SLC49A4: variants seen among roughly 807,000 people sequenced by gnomAD.
SLC49A4 encodes the protein solute carrier family 49 member 4.
Under a neutral mutation model 50.6 loss-of-function variants are expected in SLC49A4, and 36 were observed. That is an observed-to-expected ratio of 0.71 (90% CI 0.55 to 0.94). The LOEUF (loss-of-function observed/expected upper bound fraction) is 0.94, where lower values mean the gene tolerates loss of function less well. Ranked by LOEUF, SLC49A4 falls within the 40% of genes least tolerant of loss-of-function variation. The pLI is 0.00. For missense variants in SLC49A4, 503 were observed against 605.7 expected, an observed-to-expected ratio of 0.83 and a Z score of 1.78; for synonymous variants, 248 against 241.2, an observed-to-expected ratio of 1.03 and a Z score of -0.26.
chr3:122,856,062 A>G (rs1178139659), intron 5 of SLC49A4, among the ~76,000 whole-genome samples: 1 of 152,196 alleles, frequency 6.6e-6, no homozygotes, highest in Non-Finnish European at 1.5e-5. Context: ...TCCTAGTCCA[A>G]TATTAGGCAT....
At chr3:122,857,747 A>G (rs1023761556) in intron 6 of SLC49A4, among the ~76,000 whole-genome samples, 1 of 152,148 alleles carries the variant, frequency 6.6e-6, no homozygotes, top group African/African-American at 2.4e-5. Context: ...CAAGAATCAT[A>G]CCTCATTTTT....
intron 8 of SLC49A4, 50 bp from the exon 9 acceptor site, chr3:122,879,213 C>A: frequency 7.5e-7 from 1 of 1,326,126 alleles, no homozygotes; most frequent in South Asian, 1.2e-5. Context: ...AGGTGGTGGT[C>A]TGCTGGTGAT....
intron 2 of SLC49A4, among the ~76,000 whole-genome samples, chr3:122,820,548 C>T (rs751791969): frequency 6.6e-6 from 1 of 152,180 alleles, no homozygotes; most frequent in Non-Finnish European, 1.5e-5. Context: ...ATATTAAATG[C>T]AAGCTAAAAT....
chr3:122,828,172 T>C (rs1238136660), intron 3 of SLC49A4, among the ~76,000 whole-genome samples: 1 of 152,240 alleles, frequency 6.6e-6, no homozygotes, highest in East Asian at 1.9e-4. Flanking sequence ...CGCCTATGTA[T>C]CTGTCACTAT....
Position 122,796,741 on chromosome 3 carries a change from G to A in SLC49A4, c.343+1206G>A, listed in dbSNP as rs557596434. Among the ~76,000 whole-genome samples, 6 of 152,252 alleles carry A rather than the reference G, an allele frequency of 3.9e-5. No individual in the cohort carries two copies. In the South Asian group the frequency reaches 1.0e-3, roughly 26 times the overall value. Reference sequence around the variant, plus strand: ...TAAGATTTCAAAATGTGAATTTGAGGCCTGGCGCAGTGGCTCAAGTAATCC... The same window carrying A: ...TAAGATTTCAAAATGTGAATTTGAGACCTGGCGCAGTGGCTCAAGTAATCC... On this transcript the variant is annotated intron_variant, in intron 1 of 8. Transcript: ENST00000261038.
intron 2 of SLC49A4, among the ~76,000 whole-genome samples, chr3:122,811,314 G>C (rs1416119263): frequency 1.3e-5 from 2 of 152,262 alleles, no homozygotes; most frequent in Admixed American, 1.3e-4. Flanking sequence ...ATTCTTTCTT[G>C]AGAACTCGAG....
At chr3:122,845,616 T>TG (rs1422910221) in intron 4 of SLC49A4, 147 bp from the exon 5 acceptor site, 3 of 388,162 alleles carry the variant, frequency 7.7e-6, no homozygotes, top group Non-Finnish European at 8.9e-6. Context: ...CGTTTTTTTT[T>TG]TTTTTTTTTT....
chr3:122,875,532 T>G (rs1937255539), intron 8 of SLC49A4, among the ~76,000 whole-genome samples: 1 of 152,036 alleles, frequency 6.6e-6, no homozygotes, highest in South Asian at 2.1e-4. Flanking sequence ...TTGTATTTTT[T>G]GTAGAGATGG....
chr3:122,860,806 T>C (rs1056845054), intron 7 of SLC49A4, among the ~76,000 whole-genome samples: 10 of 152,234 alleles, frequency 6.6e-5, no homozygotes, highest in African/African-American at 2.2e-4. Flanking sequence ...TATGCAAATT[T>C]AGCAACTTAA....
intron 2 of SLC49A4, among the ~76,000 whole-genome samples, chr3:122,822,691 T>C (rs1046916781): frequency 4.6e-5 from 7 of 152,240 alleles, no homozygotes; most frequent in Non-Finnish European, 8.8e-5. Context: ...TTTCCTCTTT[T>C]GCTTTTTTTC....
At chr3:122,855,620 A>T (rs761375231) in intron 5 of SLC49A4, among the ~76,000 whole-genome samples, 3 of 152,200 alleles carry the variant, frequency 2.0e-5, no homozygotes, top group Non-Finnish European at 4.4e-5. Flanking sequence ...ATGTGGCCAC[A>T]CAAGCAGGAA....
chr3:122,803,748 T>C (rs371603551), intron 1 of SLC49A4, among the ~76,000 whole-genome samples: 4 of 152,208 alleles, frequency 2.6e-5, no homozygotes, highest in East Asian at 1.9e-4. Context: ...CTCTGCAGCC[T>C]GATTCTTTAG....
chr3:122,873,242 C>T (rs1372936378), intron 8 of SLC49A4, among the ~76,000 whole-genome samples: 2 of 151,788 alleles, frequency 1.3e-5, no homozygotes, highest in Non-Finnish European at 2.9e-5. Context: ...TGCAGTGGCA[C>T]GATCTCAACT....
chr3:122,833,269 A>C (rs1467318609), intron 3 of SLC49A4, 48 bp from the exon 4 acceptor site: 3 of 1,582,354 alleles, frequency 1.9e-6, no homozygotes, highest in Non-Finnish European at 2.6e-6. Flanking sequence ...TGAAGTCTTC[A>C]ACTTTTTGTG....
intron 4 of SLC49A4, among the ~76,000 whole-genome samples, chr3:122,836,492 G>C (rs1428794525): frequency 6.6e-6 from 1 of 152,114 alleles, no homozygotes; most frequent in Non-Finnish European, 1.5e-5. Flanking sequence ...TTTGGTATCA[G>C]GATGATGCTG....
At chr3:122,805,833 C>T (rs111648329) in intron 1 of SLC49A4, among the ~76,000 whole-genome samples, 3 of 152,286 alleles carry the variant, frequency 2.0e-5, no homozygotes, top group South Asian at 2.1e-4. Flanking sequence ...ACCACTGACA[C>T]ACATTTTCAA....
chr3:122,841,886 G>A (rs190085254), intron 4 of SLC49A4, among the ~76,000 whole-genome samples: 38 of 152,192 alleles, frequency 2.5e-4, no homozygotes, highest in African/African-American at 8.7e-4. Flanking sequence ...ACAGTAAAAA[G>A]TTTTTGAAAA....
chr3:122,828,322 A>G (rs193084949), intron 3 of SLC49A4, among the ~76,000 whole-genome samples: 62 of 152,322 alleles, frequency 4.1e-4, no homozygotes, highest in Admixed American at 1.2e-3. Flanking sequence ...AGCTCGGAGA[A>G]GGAGCACCTA....
In SLC49A4 at chr3:122,795,203, G is replaced by C. The variant is rs1047167036; in HGVS notation, c.11G>C (p.Arg4Pro). The change falls in exon 1 of 9, where the codon CGC (arginine) becomes CCC (proline). Residue 4 changes from arginine (R) to proline (P), a missense_variant. By Grantham distance (103) the Arg-to-Pro change is moderately radical. Coordinates refer to ENST00000261038, the MANE Select transcript of SLC49A4 (RefSeq NM_032839.3). The part of the protein sequence containing the change: MGS[R>P]WSSEEERQPL... ...GGGCGACGCGTCGCCATGGGCTCTC[G>C]CTGGAGCAGCGAAGAGGAGAGGCAG... 3.0e-6 allele frequency: 4 copies of C among 1,327,948 alleles called. No individual in the cohort carries two copies. In the Admixed American group the frequency reaches 1.7e-4, roughly 55 times the overall value. 82.3% of individuals were successfully genotyped at this position (1,327,948 alleles called of 1,614,324 possible).
Sources: allele counts gnomAD v4.1 joint callset (sites outside exome capture counted in the v4.1 genomes callset), GRCh38; gene constraint gnomAD v4.1.1; transcripts MANE v1.5; gene names NCBI Gene and HGNC (gene_info 2026-07-23, HGNC 2026-07-21).